Variants in SPECC1 observed in about 807,000 individuals in gnomAD.
SPECC1 encodes cytospin-B.
Under a neutral mutation model 104.1 loss-of-function variants are expected in SPECC1, and 62 were observed. The ratio of observed to expected loss-of-function variants is 0.60; its 90% CI spans 0.49 to 0.74. The LOEUF (loss-of-function observed/expected upper bound fraction) is 0.74. Among genes scored for constraint, SPECC1 ranks in the 30% least tolerant of loss-of-function variants. SPECC1 has a pLI of 0.00. For synonymous variants in SPECC1, 513 were observed against 501.6 expected (o/e 1.02, Z -0.30); for missense variants, 1,306 against 1,310.5 (o/e 1.00, Z 0.05).
intron 3 of SPECC1, among the ~76,000 whole-genome samples, chr17:20,167,732 A>G (rs1025123254): frequency 2.6e-5 from 4 of 152,206 alleles, no homozygotes; most frequent in Non-Finnish European, 5.9e-5. Flanking sequence ...ATGGTGTTAT[A>G]GGTAAAGTTT....
chr17:20,278,731 A>T (rs1480526864), intron 12 of SPECC1, among the ~76,000 whole-genome samples: 1 of 150,248 alleles, frequency 6.7e-6, no homozygotes, highest in Non-Finnish European at 1.5e-5. Context: ...TTTTTTTTTT[A>T]AAGGTTCTTA....
intron 10 of SPECC1, among the ~76,000 whole-genome samples, chr17:20,256,199 C>T (rs184498454): frequency 5.9e-5 from 9 of 152,252 alleles, no homozygotes; most frequent in East Asian, 5.8e-4. Context: ...TTAGTTGACA[C>T]GGTACATACT....
intron 12 of SPECC1, among the ~76,000 whole-genome samples, chr17:20,277,223 T>C (rs9904928): frequency 0.71 from 107,729 of 152,032 alleles, 39,972 homozygotes; most frequent in East Asian, 0.99. Flanking sequence ...TGCTTCTGCA[T>C]GACTGAGCCT....
intron 3 of SPECC1, among the ~76,000 whole-genome samples, chr17:20,164,711 C>T (rs1192078844): frequency 2.0e-5 from 3 of 152,048 alleles, no homozygotes; most frequent in East Asian, 1.9e-4. Flanking sequence ...ATACTTTGCC[C>T]GGGTATAGAA....
intron 1 of SPECC1, among the ~76,000 whole-genome samples, chr17:20,093,476 T>G (rs2047494020): frequency 6.6e-6 from 1 of 152,178 alleles, no homozygotes; most frequent in South Asian, 2.1e-4. Context: ...TTTGCCAGGC[T>G]CAGAATGAAA....
At chr17:20,095,368 C>T (rs1201534799) in intron 1 of SPECC1, among the ~76,000 whole-genome samples, 1 of 152,192 alleles carries the variant, frequency 6.6e-6, no homozygotes, top group South Asian at 2.1e-4. Flanking sequence ...AAACAAATTA[C>T]GCCGCCTTTA....
intron 8 of SPECC1, 39 bp downstream of exon 8, chr17:20,246,110 C>G (rs2039411181): frequency 6.2e-7 from 1 of 1,608,240 alleles, no homozygotes; most frequent in South Asian, 1.1e-5. Flanking sequence ...GCTCCAAATT[C>G]AAACTTTGGC....
At position 20,099,237 on chromosome 17, in the gene SPECC1, C is replaced by T. The variant is rs893274882; in HGVS notation, c.147+2439C>T. Among the ~76,000 whole-genome samples, 9 of 152,104 alleles carry T rather than the reference C, an allele frequency of 5.9e-5. No homozygotes were observed. In the South Asian group the frequency reaches 6.2e-4, roughly 11 times the overall value. ...GTTTTTATTATTTTCAACCCAACAG[C>T]ACACTTTAAACTTAGATTTTTATGT... On this transcript the variant is annotated intron_variant, in intron 2 of 14. Coordinates refer to ENST00000395527, the MANE Select transcript of SPECC1 (RefSeq NM_001243439.2).
rs143553678 is a variant in SPECC1, at chr17:20,118,115, T to TAATAAATAAATA, written c.283+7564_283+7575dup. On this transcript the variant is annotated intron_variant, in intron 3 of 14. Transcript: ENST00000395527. The stretch of plus-strand genomic sequence containing the variant: ...GAGACCCTGTCTCACAATAAATAAA[T>TAATAAATAAATA]AATAAATAAATAAATAAATAAAGCA... Among the ~76,000 whole-genome samples the TAATAAATAAATA allele has an allele frequency of 3.2e-3, 487 of 150,870 alleles. 17 individuals are homozygous for TAATAAATAAATA. In the East Asian group the frequency reaches 0.082, roughly 25 times the overall value.
chr17:20,299,851 C>T (rs1475509008), intron 13 of SPECC1, among the ~76,000 whole-genome samples: 1 of 151,982 alleles, frequency 6.6e-6, no homozygotes, highest in Non-Finnish European at 1.5e-5. Context: ...ACAGCAAATC[C>T]GGAGCTGGAT....
At chr17:20,071,882 C>T (rs993689701) in intron 1 of SPECC1, among the ~76,000 whole-genome samples, 1 of 152,156 alleles carries the variant, frequency 6.6e-6, no homozygotes, top group African/African-American at 2.4e-5. Context: ...GATTTACAGT[C>T]TAATGAGGGA....
chr17:20,298,976 TAGAGAGAG>T (rs146031063), intron 13 of SPECC1, among the ~76,000 whole-genome samples: 108 of 77,212 alleles, frequency 1.4e-3, no homozygotes, highest in Non-Finnish European at 1.8e-3. Context: ...TGTGTGTATG[TAGAGAGAG>T]AGAGAGAGAG....
intron 3 of SPECC1, among the ~76,000 whole-genome samples, chr17:20,164,207 T>G (rs957492402): frequency 1.3e-5 from 2 of 151,516 alleles, no homozygotes; most frequent in African/African-American, 4.9e-5. Flanking sequence ...AAAGTCTTGC[T>G]CTGTTGGCCA....
chr17:20,156,107 C>T (rs2032470941), intron 3 of SPECC1: 16 of 1,360,734 alleles, frequency 1.2e-5, no homozygotes, highest in South Asian at 1.0e-4. Context: ...CCGGACGCAA[C>T]CGCCTCGCCA....
At chr17:20,125,787 G>C (rs189467408) in intron 3 of SPECC1, among the ~76,000 whole-genome samples, 130 of 152,304 alleles carry the variant, frequency 8.5e-4, no homozygotes, top group African/African-American at 2.8e-3. Flanking sequence ...GACCAGACTG[G>C]CTTTCAGCTT....
chr17:20,086,556 C>T (rs144792336), intron 1 of SPECC1, among the ~76,000 whole-genome samples: 268 of 152,306 alleles, frequency 1.8e-3, no homozygotes, highest in Middle Eastern at 6.8e-3. Flanking sequence ...CAGTATGTGT[C>T]ACCAGGGGCA....
chr17:20,176,372 T>A (rs529806508), intron 3 of SPECC1, among the ~76,000 whole-genome samples: 1 of 152,342 alleles, frequency 6.6e-6, no homozygotes, highest in East Asian at 1.9e-4. Flanking sequence ...ACATTTCATT[T>A]CTCACCAAAT....
intron 12 of SPECC1, among the ~76,000 whole-genome samples, chr17:20,272,539 C>G (rs963548868): frequency 5.9e-5 from 9 of 152,154 alleles, no homozygotes; most frequent in Admixed American, 5.2e-4. Flanking sequence ...ATCTGACATT[C>G]CCCTCTTCCC....
In SPECC1 at chr17:20,316,761, G is replaced by A. The variant is rs546149721; in HGVS notation, c.*2696G>A. 1.2e-4 allele frequency: 24 copies of A among 197,458 alleles called. No individual in the cohort carries two copies. The highest frequency in any genetic ancestry group is 1.1e-3 in the Admixed American group (18 of 16,538). 12.2% of individuals were successfully genotyped at this position (197,458 alleles called of 1,614,324 possible). A position where few individuals can be genotyped will look rare whatever the true frequency, so the allele number is the denominator to read the frequency against. ...GCCCAGGCTGGAGTGCCAGTGGCGCGATTTCAGCTCACTCAGGAGTGAGCC... is the reference window on the plus strand; with the variant it reads ...GCCCAGGCTGGAGTGCCAGTGGCGCAATTTCAGCTCACTCAGGAGTGAGCC... On this transcript the variant is annotated 3_prime_UTR_variant, in exon 15 of 15. Coordinates refer to ENST00000395527, the MANE Select transcript of SPECC1 (RefSeq NM_001243439.2).
Sources: allele counts gnomAD v4.1 joint callset (sites outside exome capture counted in the v4.1 genomes callset), GRCh38; gene constraint gnomAD v4.1.1; transcripts MANE v1.5; gene names NCBI Gene and HGNC (gene_info 2026-07-23, HGNC 2026-07-21).